Variants in SOX6 observed in about 807,000 individuals in gnomAD.
SOX6 encodes the protein SRY-box transcription factor 6.
Under a neutral mutation model 97.8 loss-of-function variants are expected in SOX6, and 11 were observed. That is an observed-to-expected ratio of 0.11 (90% CI 0.07 to 0.19). SOX6 has a LOEUF of 0.19. Among genes scored for constraint, SOX6 ranks in the 10% least tolerant of loss-of-function variants. SOX6 has a pLI of 1.00. For missense variants in SOX6, 810 were observed against 1,039.5 expected (o/e 0.78, Z 3.04); for synonymous variants, 360 against 371.4 (o/e 0.97, Z 0.35).
At chr11:16,707,336 TA>T (rs1199674488) in intron 3 of SOX6, among the ~76,000 whole-genome samples, 316 of 141,660 alleles carry the variant, frequency 2.2e-3, no homozygotes, top group Middle Eastern at 3.6e-3. Flanking sequence ...TGAGGAATGT[TA>T]AAAAAAAAAA....
intron 4 of SOX6, among the ~76,000 whole-genome samples, chr11:16,202,089 T>C (rs1464732051): frequency 3.3e-5 from 5 of 152,160 alleles, no homozygotes; most frequent in African/African-American, 9.6e-5. Flanking sequence ...ACTAATTAAC[T>C]AAATAACAGA....
intron 6 of SOX6, among the ~76,000 whole-genome samples, chr11:16,132,334 AGAAAAAAGAAAG>A (rs1849780859): frequency 1.1e-5 from 1 of 88,118 alleles, no homozygotes; most frequent in African/African-American, 4.4e-5. Context: ...AAGGAAGGAA[AGAAAAAAGAAAG>A]AAAGAAAGAA....
At chr11:16,263,315 T>C (rs967308314) in intron 3 of SOX6, among the ~76,000 whole-genome samples, 6 of 151,930 alleles carry the variant, frequency 3.9e-5, no homozygotes, top group Non-Finnish European at 8.8e-5. Context: ...ATCACAATAC[T>C]AAGTCCTAAT....
chr11:15,996,669 T>G (rs1854236779), intron 13 of SOX6, among the ~76,000 whole-genome samples: 1 of 151,786 alleles, frequency 6.6e-6, no homozygotes, highest in African/African-American at 2.4e-5. Flanking sequence ...GCTAAAAATC[T>G]ACCAGAGTAC....
At chr11:16,101,690 C>T (rs921852505) in intron 7 of SOX6, among the ~76,000 whole-genome samples, 3 of 151,506 alleles carry the variant, frequency 2.0e-5, no homozygotes, top group Non-Finnish European at 3.0e-5. Flanking sequence ...AAAAAATCCT[C>T]AGTTTCATAC....
intron 4 of SOX6, among the ~76,000 whole-genome samples, chr11:16,502,829 T>A (rs920920135): frequency 6.6e-6 from 1 of 152,028 alleles, no homozygotes; most frequent in African/African-American, 2.4e-5. Flanking sequence ...ACTCCCCACA[T>A]CTAGCAAGAG....
intron 4 of SOX6, among the ~76,000 whole-genome samples, chr11:16,508,554 T>C (rs1360028297): frequency 1.3e-5 from 2 of 152,038 alleles, no homozygotes; most frequent in African/African-American, 4.8e-5. Context: ...CTGGAGGTCA[T>C]TATGTTAAGT....
intron 3 of SOX6, among the ~76,000 whole-genome samples, chr11:16,248,788 A>G (rs1251743316): frequency 6.6e-6 from 1 of 152,066 alleles, no homozygotes; most frequent in Non-Finnish European, 1.5e-5. Flanking sequence ...CATTTTCCCC[A>G]TTGTCTTAGT....
chr11:16,390,410 G>A (rs1392765894), intron 1 of SOX6, among the ~76,000 whole-genome samples: 1 of 152,122 alleles, frequency 6.6e-6, no homozygotes. Context: ...TCAGATAGTT[G>A]TGTTTTGTCC....
chr11:16,370,813 G>A (rs1433836686), intron 1 of SOX6, among the ~76,000 whole-genome samples: 1 of 151,894 alleles, frequency 6.6e-6, no homozygotes, highest in Non-Finnish European at 1.5e-5. Context: ...AAAGCCCCGT[G>A]AGTTCTTCAT....
intron 4 of SOX6, among the ~76,000 whole-genome samples, chr11:16,550,840 A>G (rs1361510063): frequency 6.6e-6 from 1 of 152,238 alleles, no homozygotes; most frequent in African/African-American, 2.4e-5. Context: ...ATTAAAAAGT[A>G]TAGCTATTTA....
chr11:16,563,095 C>T (rs937767825), intron 4 of SOX6, among the ~76,000 whole-genome samples: 1 of 151,926 alleles, frequency 6.6e-6, no homozygotes, highest in African/African-American at 2.4e-5. Flanking sequence ...GATGCCAACA[C>T]CAAGATGTTA....
At chr11:16,205,863 G>A (rs2134134378) in intron 4 of SOX6, among the ~76,000 whole-genome samples, 1 of 151,950 alleles carries the variant, frequency 6.6e-6, no homozygotes, top group Non-Finnish European at 1.5e-5. Context: ...TAATTCTCTG[G>A]GCTTCCATTT....
intron 12 of SOX6, among the ~76,000 whole-genome samples, chr11:16,020,897 G>T (rs1309467770): frequency 6.6e-6 from 1 of 151,988 alleles, no homozygotes; most frequent in Non-Finnish European, 1.5e-5. Context: ...ATAAATACTT[G>T]CAGGTTTATA....
chr11:16,501,721 T>G (rs1033995987), intron 4 of SOX6, among the ~76,000 whole-genome samples: 10 of 152,216 alleles, frequency 6.6e-5, no homozygotes, highest in African/African-American at 2.4e-4. Flanking sequence ...ATGCTCATCA[T>G]CACTGGCCAT....
intron 3 of SOX6, among the ~76,000 whole-genome samples, chr11:16,655,817 G>A (rs2134016474): frequency 6.6e-6 from 1 of 152,100 alleles, no homozygotes; most frequent in East Asian, 1.9e-4. Context: ...ATTATGCCTA[G>A]TAAAGAACTT....
chr11:16,481,829 C>G (rs934072072), intron 4 of SOX6, among the ~76,000 whole-genome samples: 1 of 151,988 alleles, frequency 6.6e-6, no homozygotes, highest in Non-Finnish European at 1.5e-5. Flanking sequence ...TTACATTTAT[C>G]AATACTTACT....
chr11:16,025,560 TG>T (rs1363805850), intron 12 of SOX6, among the ~76,000 whole-genome samples: 1 of 152,248 alleles, frequency 6.6e-6, no homozygotes, highest in Non-Finnish European at 1.5e-5. Flanking sequence ...GTGCCTCATC[TG>T]AGGTACCTGT....
intron 4 of SOX6, among the ~76,000 whole-genome samples, chr11:16,598,765 A>C (rs576250654): frequency 6.6e-6 from 1 of 152,218 alleles, no homozygotes; most frequent in East Asian, 1.9e-4. Context: ...CTTTTCAAAG[A>C]AGCAAAGAAA....
Sources: allele counts gnomAD v4.1 joint callset (sites outside exome capture counted in the v4.1 genomes callset), GRCh38; gene constraint gnomAD v4.1.1; transcripts MANE v1.5; gene names NCBI Gene and HGNC (gene_info 2026-07-23, HGNC 2026-07-21).